The following FOXP1 variants were observed in gnomAD, a reference collection of about 807,000 sequenced individuals.
FOXP1 encodes the protein forkhead box protein P1.
A neutral mutation model predicts 98.2 loss-of-function variants in FOXP1; 15 were observed. The observed-to-expected ratio is 0.15, with a 90% CI of 0.10 to 0.24. The LOEUF (loss-of-function observed/expected upper bound fraction) is 0.24. Among genes scored for constraint, FOXP1 ranks in the 10% least tolerant of loss-of-function variants. The probability of loss-of-function intolerance (pLI) is 1.00; values close to 1 mark genes in which losing one functional copy is unlikely to be tolerated. For synonymous variants in FOXP1, 371 were observed against 314.5 expected (o/e 1.18, Z -1.90); for missense variants, 633 against 848.5 (o/e 0.75, Z 3.15).
At chr3:71,518,609 A>T (rs2042747373) in intron 2 of FOXP1, among the ~76,000 whole-genome samples, 1 of 152,158 alleles carries the variant, frequency 6.6e-6, no homozygotes, top group South Asian at 2.1e-4. Context: ...TCTTTTCTCA[A>T]GTTGGCAGAC....
intron 3 of FOXP1, among the ~76,000 whole-genome samples, chr3:71,421,089 A>G (rs1369278558): frequency 2.0e-5 from 3 of 152,196 alleles, no homozygotes; most frequent in South Asian, 2.1e-4. Context: ...CATGTCCCCA[A>G]GGATGCTACT....
rs2031970901 is a variant in FOXP1 at position 70,956,927 on chromosome 3, A to C, written c.*2320T>G. ...ATGCTGACCAAAGCCTAATCGGAAA[A>C]AAAGGAAAAATTAAAAATAAAAACA... On this transcript the variant is annotated 3_prime_UTR_variant, in exon 21 of 21. Transcript: ENST00000649528. 1 of 216,594 alleles carries C rather than the reference A, an allele frequency of 4.6e-6. No individual in the cohort carries two copies. Among genetic ancestry groups the C allele is most frequent in the South Asian group, 1.8e-4 (1 of 5,410 alleles). 13.4% of individuals were successfully genotyped at this position (216,594 alleles called of 1,614,324 possible). A position where few individuals can be genotyped will look rare whatever the true frequency, so the allele number is the denominator to read the frequency against.
chr3:71,376,701 G>A (rs1039513475), intron 3 of FOXP1, among the ~76,000 whole-genome samples: 1 of 152,180 alleles, frequency 6.6e-6, no homozygotes, highest in African/African-American at 2.4e-5. Flanking sequence ...TCAGTTCTTT[G>A]TTTAACTTCC....
intron 2 of FOXP1, among the ~76,000 whole-genome samples, chr3:71,559,140 C>A (rs1336837643): frequency 6.6e-6 from 1 of 152,158 alleles, no homozygotes; most frequent in Non-Finnish European, 1.5e-5. Context: ...TAATGGCAGG[C>A]AGAAATTGCT....
intron 14 of FOXP1, among the ~76,000 whole-genome samples, chr3:70,983,045 T>A (rs544910060): frequency 2.0e-5 from 3 of 152,368 alleles, no homozygotes; most frequent in Admixed American, 6.5e-5. Context: ...TTTCTGGGCA[T>A]GAATCACTGA....
chr3:71,564,310 G>A (rs556522404), intron 2 of FOXP1, among the ~76,000 whole-genome samples: 1 of 152,292 alleles, frequency 6.6e-6, no homozygotes, highest in South Asian at 2.1e-4. Context: ...AACCAATAAC[G>A]ATACAATAGT....
At chr3:71,439,491 C>G (rs536789610) in intron 3 of FOXP1, among the ~76,000 whole-genome samples, 3 of 152,272 alleles carry the variant, frequency 2.0e-5, no homozygotes, top group African/African-American at 7.2e-5. Flanking sequence ...TGGGAATATT[C>G]CCTAGAGAAC....
intron 3 of FOXP1, among the ~76,000 whole-genome samples, chr3:71,415,176 A>G (rs897961781): frequency 2.6e-5 from 4 of 152,218 alleles, no homozygotes; most frequent in African/African-American, 9.6e-5. Context: ...ACTCTAGGAA[A>G]TTCATTCGAC....
At chr3:71,038,865 T>C (rs1010027254) in intron 11 of FOXP1, among the ~76,000 whole-genome samples, 4 of 152,016 alleles carry the variant, frequency 2.6e-5, no homozygotes, top group Non-Finnish European at 5.9e-5. Context: ...GGGGTCCCTC[T>C]ATGTTGTCCA....
intron 4 of FOXP1, among the ~76,000 whole-genome samples, chr3:71,313,976 GA>G (rs2074893512): frequency 6.6e-6 from 1 of 152,128 alleles, no homozygotes; most frequent in African/African-American, 2.4e-5. Context: ...CTCTGGTGCT[GA>G]CTGACCTTGT....
chr3:71,255,794 TC>T (rs763978559), intron 5 of FOXP1, among the ~76,000 whole-genome samples: 10 of 152,282 alleles, frequency 6.6e-5, no homozygotes, highest in Admixed American at 4.6e-4. Context: ...GAAACGAAAC[TC>T]AAGTAAGCCA....
At chr3:71,511,159 A>C (rs1434528208) in intron 2 of FOXP1, among the ~76,000 whole-genome samples, 1 of 152,204 alleles carries the variant, frequency 6.6e-6, no homozygotes, top group Non-Finnish European at 1.5e-5. Context: ...GATGCAATGA[A>C]GTCTTGAAAT....
At chr3:71,163,050 C>T (rs1338577218) in intron 6 of FOXP1, among the ~76,000 whole-genome samples, 1 of 152,120 alleles carries the variant, frequency 6.6e-6, no homozygotes, top group Non-Finnish European at 1.5e-5. Flanking sequence ...TATGCACAAA[C>T]AAATACAAAC....
chr3:71,431,146 A>G (rs994419376), intron 3 of FOXP1, among the ~76,000 whole-genome samples: 3 of 152,258 alleles, frequency 2.0e-5, no homozygotes, highest in African/African-American at 4.8e-5. Flanking sequence ...TCGATCTGCA[A>G]ATGAGCCATG....
At chr3:71,094,890 C>G (rs1005469524) in intron 7 of FOXP1, among the ~76,000 whole-genome samples, 1 of 152,186 alleles carries the variant, frequency 6.6e-6, no homozygotes, top group Non-Finnish European at 1.5e-5. Context: ...TCTCAAGATC[C>G]TTTTATAAAC....
chr3:71,044,118 T>TAC (rs1367995763), intron 10 of FOXP1, among the ~76,000 whole-genome samples: 1 of 152,214 alleles, frequency 6.6e-6, no homozygotes, highest in East Asian at 1.9e-4. Context: ...GAGCGCTACC[T>TAC]ACCAAAGGGT....
chr3:71,416,893 T>C (rs2083267101), intron 3 of FOXP1, among the ~76,000 whole-genome samples: 1 of 151,904 alleles, frequency 6.6e-6, no homozygotes, highest in South Asian at 2.1e-4. Context: ...CCCTTTATCA[T>C]AAGGGTAATG....
rs11128203 is a variant in FOXP1 at position 71,015,280 on chromosome 3, T to A, written c.974+269A>T. Among the ~76,000 whole-genome samples, 58,433 of 152,084 alleles carry A rather than the reference T, an allele frequency of 0.38. 14,284 individuals are homozygous for A. Among genetic ancestry groups the A allele is most frequent in the Non-Finnish European group, 0.53 (35,969 of 67,968 alleles). On this transcript the variant is annotated intron_variant, in intron 12 of 20. Coordinates refer to ENST00000649528, the MANE Select transcript of FOXP1 (RefSeq NM_001349338.3). Reference sequence around the variant, plus strand: ...GCAAGTTTAATACTGGAATCGTTTTTTTTAATCCTTGTCACTCTGAAAAAT... The same window carrying A: ...GCAAGTTTAATACTGGAATCGTTTTATTTAATCCTTGTCACTCTGAAAAAT...
chr3:71,466,133 C>T (rs1479823105), intron 3 of FOXP1, among the ~76,000 whole-genome samples: 1 of 152,178 alleles, frequency 6.6e-6, no homozygotes, highest in African/African-American at 2.4e-5. Flanking sequence ...CGTACAGACC[C>T]CTTGGAAACA....
Sources: allele counts gnomAD v4.1 joint callset (sites outside exome capture counted in the v4.1 genomes callset), GRCh38; gene constraint gnomAD v4.1.1; transcripts MANE v1.5; gene names NCBI Gene and HGNC (gene_info 2026-07-23, HGNC 2026-07-21).